The following ZNF619 variants were observed in gnomAD, a reference collection of about 807,000 sequenced individuals.
ZNF619 encodes the protein zinc finger protein 619.
Under a neutral mutation model 14.2 loss-of-function variants are expected in ZNF619, and 9 were observed. The observed-to-expected ratio is 0.64, with a 90% CI of 0.38 to 1.11. ZNF619 has a LOEUF of 1.11. ZNF619 is among the 50% of genes least tolerant of loss of function. The probability of loss-of-function intolerance (pLI) is 0.01; values close to 1 mark genes in which losing one functional copy is unlikely to be tolerated. For synonymous variants in ZNF619, 246 were observed against 252.8 expected (o/e 0.97, Z 0.26); for missense variants, 659 against 680.1 (o/e 0.97, Z 0.34).
chr3:40,477,899 CATT>C lies in ZNF619; in HGVS notation c.-62-18_-62-16del. 7.3e-7 allele frequency: 1 copy of C among 1,370,608 alleles called. No homozygotes were observed. The highest frequency in any genetic ancestry group is 1.2e-5 in the South Asian group (1 of 80,356). The allele number at this position is 1,370,608 out of a possible 1,614,324, so 84.9% of individuals were successfully genotyped here. A position where few individuals can be genotyped will look rare whatever the true frequency, so the allele number is the denominator to read the frequency against. The stretch of plus-strand genomic sequence containing the variant: ...TGTAGGAGACGAGACAGATCAGTCT[CATT>C]GTGGTTCTCTCTTAGCTCCGCAGGT... On this transcript the variant is annotated splice_polypyrimidine_tract_variant and intron_variant, in intron 1 of 4. Coordinates refer to ENST00000432264, the MANE Select transcript of ZNF619 (RefSeq NM_001145093.4).
chr3:40,480,879 A>C (rs898906629), intron 2 of ZNF619, among the ~76,000 whole-genome samples: 19 of 152,204 alleles, frequency 1.2e-4, no homozygotes, highest in Non-Finnish European at 2.4e-4. Flanking sequence ...TGACATGATG[A>C]ATTGAGAAAG....
chr3:40,482,471 C>A lies in ZNF619; in HGVS notation c.179-117C>A, dbSNP rs201179038. 3.3e-4 allele frequency: 513 copies of A among 1,553,636 alleles called. 10 individuals are homozygous for A. The East Asian group carries it at 0.011, about 34-fold the overall frequency. On this transcript the variant is annotated intron_variant, in intron 3 of 4. Transcript: ENST00000432264. Reference sequence around the variant, plus strand: ...ATTCTGCAGATTCACTCCTCCCTGACTTCACTTAGTCTCCTGGGCCATCCT... The same window carrying A: ...ATTCTGCAGATTCACTCCTCCCTGAATTCACTTAGTCTCCTGGGCCATCCT...
rs376025421 is a variant in ZNF619, at chr3:40,480,190, TAAGAG to T, written c.25-1667_25-1663del. 2.2e-4 allele frequency among the ~76,000 whole-genome samples: 33 copies of T among 152,280 alleles called. 1 individual carries two copies. The East Asian group carries it at 4.6e-3, about 21-fold the overall frequency. ...AGCTAGTTGTTGACTCTGAAGGAAG[TAAGAG>T]AAGAGTATTAACAGATGTATCTATT... On this transcript the variant is annotated intron_variant, in intron 2 of 4. Transcript: ENST00000432264.
rs1035119807 is a variant in ZNF619, at chr3:40,481,880, G to A, written c.42G>A (p.Leu14=). ...TVWFQGLGRN[L]LFQEPVTFED... ...TTGTGCAGGGCTTGGGCAGGAACCTGTTGTTTCAGGAGCCAGTAACCTTTG... is the reference window on the plus strand; with the variant it reads ...TTGTGCAGGGCTTGGGCAGGAACCTATTGTTTCAGGAGCCAGTAACCTTTG... Residue 14 remains leucine, a synonymous_variant, in exon 3 of 5, where the codon CTG becomes CTA. Transcript: ENST00000432264. 2.2e-5 allele frequency: 35 copies of A among 1,610,668 alleles called. No homozygotes were observed. The highest frequency in any genetic ancestry group is 3.0e-5 in the Non-Finnish European group (35 of 1,178,552).
In ZNF619 at chr3:40,477,974, T is replaced by A; in HGVS notation, c.-6T>A. On this transcript the variant is annotated 5_prime_UTR_variant, in exon 2 of 5. Transcript: ENST00000432264. ...GGGCAGTGCATGAAGCCAGGGGTCA[T>A]CAGCCATGCTCCAGACAGTGTGGTT... 6.4e-7 allele frequency: 1 copy of A among 1,554,584 alleles called. No homozygotes were observed. The highest frequency in any genetic ancestry group is 8.7e-7 in the Non-Finnish European group (1 of 1,148,134).
intron 4 of ZNF619, among the ~76,000 whole-genome samples, chr3:40,484,520 T>C (rs1445364013): frequency 3.9e-5 from 6 of 152,222 alleles, no homozygotes; most frequent in African/African-American, 7.2e-5. Flanking sequence ...CTTTCTAATT[T>C]CCCCACTTTG....
chr3:40,480,095 A>T (rs1697334941), intron 2 of ZNF619, among the ~76,000 whole-genome samples: 1 of 152,192 alleles, frequency 6.6e-6, no homozygotes, highest in South Asian at 2.1e-4. Flanking sequence ...TGTGCTGATA[A>T]TTAGAGTGAT....
At chr3:40,484,697 G>A (rs552991718) in intron 4 of ZNF619, among the ~76,000 whole-genome samples, 3 of 152,168 alleles carry the variant, frequency 2.0e-5, no homozygotes, top group South Asian at 4.1e-4. Flanking sequence ...TGCAGCTGAG[G>A]AACTGAGTTT....
In ZNF619 at chr3:40,487,910, G is replaced by A; in HGVS notation, c.1400G>A (p.Trp467Ter). 1 of 1,614,162 alleles carries A rather than the reference G, an allele frequency of 6.2e-7. No homozygotes were observed. Among genetic ancestry groups the A allele is most frequent in the East Asian group, 2.2e-5 (1 of 44,884 alleles). ...AAGGAGTGCGGGAAAGCCTTCAGAT[G>A]GAATGCAAGTTTCATCCAGCATCAG... ...ECKECGKAFRWNASFIQHQKW... is the reference protein window; with the variant it reads ...ECKECGKAFR The change falls in exon 5 of 5, where the codon TGG becomes TAG. Residue 467 changes from tryptophan (W) to a stop codon, truncating the protein, a stop_gained. Transcript: ENST00000432264. LOFTEE classifies it low-confidence loss of function (END_TRUNC).
At position 40,481,910 on chromosome 3, in the gene ZNF619, T is replaced by A. The variant is rs775662806; in HGVS notation, c.72T>A (p.Asp24Glu). 6.2e-7 allele frequency: 1 copy of A among 1,613,738 alleles called. No individual in the cohort carries two copies. The highest frequency in any genetic ancestry group is 8.5e-7 in the Non-Finnish European group (1 of 1,179,778). ...LLFQEPVTFE[D>E]VAVYFTQNEW... ...TTCAGGAGCCAGTAACCTTTGAGGATGTGGCTGTGTACTTCACCCAGAATG... is the reference window on the plus strand; with the variant it reads ...TTCAGGAGCCAGTAACCTTTGAGGAAGTGGCTGTGTACTTCACCCAGAATG... Residue 24 changes from aspartate (D) to glutamate (E), a missense_variant, in exon 3 of 5, where the codon GAT (aspartate) becomes GAA (glutamate). Coordinates refer to ENST00000432264, the MANE Select transcript of ZNF619 (RefSeq NM_001145093.4).
intron 4 of ZNF619, among the ~76,000 whole-genome samples, chr3:40,483,018 C>T (rs1186985718): frequency 2.6e-5 from 4 of 152,000 alleles, no homozygotes; most frequent in South Asian, 2.1e-4. Context: ...AAGACCAGCC[C>T]GAACAACATA....
At chr3:40,486,036 A>G (rs1049926893) in intron 4 of ZNF619, among the ~76,000 whole-genome samples, 77 of 152,224 alleles carry the variant, frequency 5.1e-4, no homozygotes, top group Non-Finnish European at 1.8e-4. Context: ...TAAAAATTAC[A>G]GAATATTTTA....
rs143233233 is a variant in ZNF619, at chr3:40,478,612, C to T, written c.24+609C>T. On this transcript the variant is annotated intron_variant, in intron 2 of 4. Coordinates refer to ENST00000432264, the MANE Select transcript of ZNF619 (RefSeq NM_001145093.4). The stretch of plus-strand genomic sequence containing the variant: ...GCTCAATGCGAAGACGTCAGTCTAA[C>T]CTCTGTGAGAGTCTATATCCTTTCT... 2.5e-3 allele frequency among the ~76,000 whole-genome samples: 377 copies of T among 152,022 alleles called. 3 individuals carry two copies. The highest frequency in any genetic ancestry group is 8.7e-3 in the African/African-American group (362 of 41,470).
Position 40,487,648 on chromosome 3 carries a change from G to A in ZNF619, c.1138G>A (p.Ala380Thr), listed in dbSNP as rs202034818. ...TTATGAATGTAAAGAGTGTGGCAAG[G>A]CCTTCCACCGCAGTTCGGTATTTCT... Reference protein sequence around the residue: ...KPYECKECGKAFHRSSVFLQH... With the variant: ...KPYECKECGKTFHRSSVFLQH... The change falls in exon 5 of 5, where the codon GCC (alanine) becomes ACC (threonine). Residue 380 changes from alanine (A) to threonine (T), a missense_variant. Physicochemically the swap from Ala to Thr is moderately conservative, Grantham distance 58. Coordinates refer to ENST00000432264, the MANE Select transcript of ZNF619 (RefSeq NM_001145093.4). The A allele has an allele frequency of 6.6e-5, 107 of 1,613,898 alleles. 2 individuals are homozygous for A. The East Asian group carries it at 2.2e-3, about 34-fold the overall frequency.
chr3:40,482,245 G>C (rs1314445877), intron 3 of ZNF619: 1 of 1,551,816 alleles, frequency 6.4e-7, no homozygotes. Context: ...ACTGCAGGGG[G>C]CTTTCCTCTG....
intron 4 of ZNF619, among the ~76,000 whole-genome samples, 180 bp downstream of exon 4, chr3:40,482,884 G>A (rs749569975): frequency 4.6e-5 from 7 of 152,148 alleles, no homozygotes; most frequent in Non-Finnish European, 4.4e-5. Context: ...GACGAGTCCC[G>A]CCATTTTATT....
At chr3:40,485,244 A>G (rs1489705696) in intron 4 of ZNF619, among the ~76,000 whole-genome samples, 6 of 151,904 alleles carry the variant, frequency 3.9e-5, no homozygotes, top group Admixed American at 3.3e-4. Flanking sequence ...AAATTAGACT[A>G]CATTGTATTA....
chr3:40,490,400 C>G lies in ZNF619; in HGVS notation c.*2159C>G, dbSNP rs1697771108. Reference sequence around the variant, plus strand: ...GAAAAATCTGGAAGATCAGGTCAGACAAAGCCTGTATTATCTAATGGAGCA... The same window carrying G: ...GAAAAATCTGGAAGATCAGGTCAGAGAAAGCCTGTATTATCTAATGGAGCA... On this transcript the variant is annotated 3_prime_UTR_variant, in exon 5 of 5. Transcript: ENST00000432264. Among the ~76,000 whole-genome samples, 1 of 152,156 alleles carries G rather than the reference C, an allele frequency of 6.6e-6. No individual in the cohort carries two copies. The highest frequency in any genetic ancestry group is 2.4e-5 in the African/African-American group (1 of 41,438).
chr3:40,486,425 C>T (rs891373444), intron 4 of ZNF619, among the ~76,000 whole-genome samples: 1 of 152,156 alleles, frequency 6.6e-6, no homozygotes, highest in African/African-American at 2.4e-5. Context: ...TGGTGGCTCA[C>T]ACCTGTAATC....
Sources: gnomAD v4.1 joint callset for allele counts (sites outside exome capture counted in the v4.1 genomes callset) on GRCh38, gnomAD v4.1.1 for gene constraint, MANE v1.5 for transcripts, NCBI Gene and HGNC (gene_info 2026-07-23, HGNC 2026-07-21) for gene names.